Variants in ARHGEF28 observed in about 807,000 individuals in gnomAD.
The protein encoded by ARHGEF28 is Rho guanine nucleotide exchange factor 28.
ARHGEF28 carries 152 observed loss-of-function variants against 206.6 expected under a neutral mutation model. The observed-to-expected ratio is 0.74, with a 90% CI of 0.64 to 0.84. The LOEUF is 0.84. Ranked by LOEUF, ARHGEF28 falls within the 40% of genes least tolerant of loss-of-function variation. The probability of loss-of-function intolerance (pLI) is 0.00; values close to 1 mark genes in which losing one functional copy is unlikely to be tolerated. For synonymous variants in ARHGEF28, 763 were observed against 776.4 expected (o/e 0.98, Z 0.29); for missense variants, 2,028 against 2,073.2 (o/e 0.98, Z 0.42).
chr5:73,640,132 G>A (rs184199364), intron 1 of ARHGEF28, among the ~76,000 whole-genome samples: 8 of 152,278 alleles, frequency 5.3e-5, no homozygotes, highest in Admixed American at 5.2e-4. Context: ...GCCTGGGGTG[G>A]ACATTTCTTA....
intron 2 of ARHGEF28, among the ~76,000 whole-genome samples, chr5:73,687,882 T>C (rs1747570797): frequency 6.6e-6 from 1 of 152,192 alleles, no homozygotes; most frequent in Non-Finnish European, 1.5e-5. Context: ...TTGAATTTTA[T>C]CAAGGGTCCT....
intron 7 of ARHGEF28, chr5:73,786,423 C>A (rs1461235577): frequency 6.6e-6 from 1 of 152,250 alleles, no homozygotes; most frequent in African/African-American, 2.4e-5. Flanking sequence ...GAGGACTGAT[C>A]TATTTAGCGT....
chr5:73,626,666 G>A (rs552758315), intron 1 of ARHGEF28, among the ~76,000 whole-genome samples: 1 of 152,310 alleles, frequency 6.6e-6, no homozygotes, highest in South Asian at 2.1e-4. Context: ...CAGCACTCCT[G>A]CGGTGGAGAA....
chr5:73,813,489 C>T, intron 9 of ARHGEF28: 1 of 1,503,742 alleles, frequency 6.7e-7, no homozygotes, highest in Non-Finnish European at 8.9e-7. Flanking sequence ...TCATTCCTTC[C>T]CTTTACATCA....
intron 1 of ARHGEF28, among the ~76,000 whole-genome samples, chr5:73,635,692 C>A (rs1743665386): frequency 6.6e-6 from 1 of 152,138 alleles, no homozygotes; most frequent in Non-Finnish European, 1.5e-5. Context: ...AGAATCAGCT[C>A]ATCTAATGTA....
chr5:73,776,509 G>C lies in ARHGEF28; in HGVS notation c.660-7G>C, dbSNP rs368949952. ...CTCTGTGTGGGTTTTGATTTGTGTT[G>C]TTTCAGTTTTCAGGGCAGATGGTCC... On this transcript the variant is annotated splice_region_variant and splice_polypyrimidine_tract_variant and intron_variant, in intron 5 of 35. Coordinates refer to ENST00000513042, the MANE Select transcript of ARHGEF28 (RefSeq NM_001177693.2). 6.5e-5 allele frequency: 104 copies of C among 1,607,788 alleles called. No homozygotes were observed. The African/African-American group carries it at 1.2e-3, about 18-fold the overall frequency.
intron 1 of ARHGEF28, among the ~76,000 whole-genome samples, chr5:73,665,623 C>T (rs565830099): frequency 6.6e-6 from 1 of 152,288 alleles, no homozygotes; most frequent in East Asian, 1.9e-4. Flanking sequence ...TGCATCATCT[C>T]ATGGCAGAAG....
At chr5:73,819,244 G>A (rs964238552) in intron 9 of ARHGEF28, among the ~76,000 whole-genome samples, 1 of 152,194 alleles carries the variant, frequency 6.6e-6, no homozygotes, top group Non-Finnish European at 1.5e-5. Flanking sequence ...TGGCCTGGAT[G>A]GTTAGTTTTG....
At chr5:73,831,188 T>C (rs1462399282) in intron 9 of ARHGEF28, among the ~76,000 whole-genome samples, 4 of 152,236 alleles carry the variant, frequency 2.6e-5, no homozygotes, top group Admixed American at 2.0e-4. Flanking sequence ...GTCAAGTCTT[T>C]ACATGTCTGA....
intron 10 of ARHGEF28, among the ~76,000 whole-genome samples, chr5:73,834,194 G>C (rs569633520): frequency 6.6e-6 from 1 of 152,010 alleles, no homozygotes; most frequent in Non-Finnish European, 1.5e-5. Flanking sequence ...ATTTATTTTT[G>C]TAGTGAGAAT....
intron 34 of ARHGEF28, among the ~76,000 whole-genome samples, chr5:73,910,381 C>CAAAAAAAAAA (rs60086897): frequency 9.7e-5 from 3 of 30,998 alleles, no homozygotes; most frequent in African/African-American, 1.5e-4. Context: ...AACACCATCT[C>CAAAAAAAAAA]AAAAAAAAAA....
chr5:73,749,763 A>C, intron 2 of ARHGEF28, 74 bp from the exon 3 acceptor site: 1 of 1,536,716 alleles, frequency 6.5e-7, no homozygotes, highest in Non-Finnish European at 8.9e-7. Context: ...TTATGGACCC[A>C]GGTCCTTTGT....
intron 16 of ARHGEF28, among the ~76,000 whole-genome samples, chr5:73,861,479 C>T (rs1355594050): frequency 6.6e-6 from 1 of 152,172 alleles, no homozygotes; most frequent in Non-Finnish European, 1.5e-5. Flanking sequence ...GTTGCCCAGG[C>T]TGGAGTCCAG....
chr5:73,629,042 C>G (rs768298321), intron 1 of ARHGEF28, among the ~76,000 whole-genome samples: 1 of 152,172 alleles, frequency 6.6e-6, no homozygotes, highest in Non-Finnish European at 1.5e-5. Flanking sequence ...TACATTCATT[C>G]AACTAATATT....
intron 9 of ARHGEF28, among the ~76,000 whole-genome samples, chr5:73,798,964 G>A (rs1236106721): frequency 6.6e-6 from 1 of 152,144 alleles, no homozygotes; most frequent in African/African-American, 2.4e-5. Flanking sequence ...GCGCATGCCT[G>A]CAGTCCTGCT....
At chr5:73,780,623 C>A (rs868007895) in intron 6 of ARHGEF28, 53 bp from the exon 7 acceptor site, 1 of 1,507,352 alleles carries the variant, frequency 6.6e-7, no homozygotes, top group Non-Finnish European at 9.0e-7. Context: ...ATATCTGGAA[C>A]CTCAAATGGT....
chr5:73,932,999 A>G (rs1324347268), intron 35 of ARHGEF28, among the ~76,000 whole-genome samples: 1 of 150,682 alleles, frequency 6.6e-6, no homozygotes, highest in African/African-American at 2.4e-5. Context: ...TTTAGTAGAG[A>G]CGGGGTTTCA....
chr5:73,835,973 G>A (rs879894936), intron 10 of ARHGEF28, among the ~76,000 whole-genome samples: 2 of 152,062 alleles, frequency 1.3e-5, no homozygotes, highest in African/African-American at 2.4e-5. Flanking sequence ...TGTTGAGTAA[G>A]AGAATAGAAA....
intron 2 of ARHGEF28, among the ~76,000 whole-genome samples, chr5:73,711,877 A>G (rs1749268434): frequency 6.6e-6 from 1 of 150,626 alleles, no homozygotes; most frequent in Non-Finnish European, 1.5e-5. Flanking sequence ...CTTGCTTTTG[A>G]TCTTGGTGGG....
Sources: allele counts gnomAD v4.1 joint callset (sites outside exome capture counted in the v4.1 genomes callset), GRCh38; gene constraint gnomAD v4.1.1; transcripts MANE v1.5; gene names NCBI Gene and HGNC (gene_info 2026-07-23, HGNC 2026-07-21).